Variants in DNAH14 observed in about 807,000 individuals in gnomAD.
DNAH14 encodes axonemal beta dynein heavy chain 14.
In DNAH14, 478 loss-of-function variants were observed where a neutral mutation model predicts 520.9. The observed-to-expected ratio is 0.92, with a 90% confidence interval of 0.85 to 0.99. The LOEUF (loss-of-function observed/expected upper bound fraction) is 0.99. DNAH14 is among the 50% of genes least tolerant of loss of function. The pLI, the probability that DNAH14 is intolerant of heterozygous loss-of-function variation, is 0.00. For synonymous variants in DNAH14, 1,581 were observed against 1,757.2 expected (o/e 0.90, Z 2.51); for missense variants, 4,831 against 5,234.5 (o/e 0.92, Z 2.38).
chr1:225,009,148 A>T (rs2064467514), intron 10 of DNAH14, among the ~76,000 whole-genome samples: 2 of 152,032 alleles, frequency 1.3e-5, no homozygotes, highest in South Asian at 4.1e-4. Flanking sequence ...TTTTGTTGCC[A>T]TTGCTTTTGG....
intron 38 of DNAH14, among the ~76,000 whole-genome samples, chr1:225,201,579 C>G (rs921600634): frequency 5.3e-5 from 8 of 152,122 alleles, no homozygotes; most frequent in African/African-American, 1.9e-4. Flanking sequence ...GTACTCTCCC[C>G]CTTTTCCTAG....
chr1:225,377,144 C>G, intron 78 of DNAH14, 93 bp from the exon 79 acceptor site: 2 of 1,020,938 alleles, frequency 2.0e-6, no homozygotes, highest in Non-Finnish European at 2.7e-6. Flanking sequence ...TCAAGCATTA[C>G]TGAAAGTAGG....
chr1:225,228,576 G>A (rs2090780147), intron 41 of DNAH14, among the ~76,000 whole-genome samples: 1 of 151,604 alleles, frequency 6.6e-6, no homozygotes, highest in African/African-American at 2.4e-5. Context: ...TGATGTGCAA[G>A]GACATCTCTC....
At chr1:225,210,249 A>T (rs1165716801) in intron 41 of DNAH14, among the ~76,000 whole-genome samples, 1 of 152,140 alleles carries the variant, frequency 6.6e-6, no homozygotes, top group East Asian at 1.9e-4. Flanking sequence ...CCAGCAAGCT[A>T]AGATCCAATG....
At chr1:225,398,976 C>A in intron 85 of DNAH14, 78 bp from the exon 86 acceptor site, 1 of 1,089,698 alleles carries the variant, frequency 9.2e-7, no homozygotes, top group Non-Finnish European at 1.3e-6. Context: ...ATCCCTCAAG[C>A]CTAGCATACA....
At chr1:225,197,963 A>G (rs992094898) in intron 38 of DNAH14, among the ~76,000 whole-genome samples, 10 of 152,076 alleles carry the variant, frequency 6.6e-5, no homozygotes, top group Admixed American at 6.5e-4. Context: ...TTCTAGGTAA[A>G]CAATCCTGTC....
chr1:225,142,912 C>A (rs183640348), intron 28 of DNAH14, among the ~76,000 whole-genome samples: 28 of 152,070 alleles, frequency 1.8e-4, no homozygotes, highest in African/African-American at 6.5e-4. Context: ...GGTGACAGAG[C>A]AAGACTCCAT....
chr1:225,387,777 G>A (rs1340761281), intron 81 of DNAH14, among the ~76,000 whole-genome samples: 1 of 152,098 alleles, frequency 6.6e-6, no homozygotes, highest in Non-Finnish European at 1.5e-5. Context: ...CCAGAAGAGG[G>A]GACAGTAAAC....
At chr1:224,977,588 GAT>G (rs2061954228) in intron 8 of DNAH14, among the ~76,000 whole-genome samples, 1 of 152,184 alleles carries the variant, frequency 6.6e-6, no homozygotes, top group Admixed American at 6.5e-5. Flanking sequence ...ATTGTTCACA[GAT>G]GTATACTTAT....
At chr1:225,143,817 CTG>C (rs2149041471) in intron 28 of DNAH14, among the ~76,000 whole-genome samples, 1 of 152,214 alleles carries the variant, frequency 6.6e-6, no homozygotes, top group East Asian at 1.9e-4. Context: ...TTAGCACTAA[CTG>C]GGATATAAAA....
At chr1:225,315,556 T>C (rs78497469) in intron 60 of DNAH14, among the ~76,000 whole-genome samples, 8,526 of 152,170 alleles carry the variant, frequency 0.056, 275 homozygotes, top group African/African-American at 0.087. Context: ...TTTGTGCTGG[T>C]TTTTCCTTAT....
At chr1:225,182,393 CT>C (rs1156262269) in intron 36 of DNAH14, among the ~76,000 whole-genome samples, 3 of 151,972 alleles carry the variant, frequency 2.0e-5, no homozygotes, top group African/African-American at 7.3e-5. Flanking sequence ...ATATCTAAAA[CT>C]TTTAGGGAGG....
rs566593331 is a variant in DNAH14, at chr1:225,347,339, C to T, written c.11296+685C>T. On this transcript the variant is annotated intron_variant, in intron 71 of 85. Transcript: ENST00000682510. ...TACAGCATCCAGGCTATTGTAAAAC[C>T]GAGAAGAGATTCCAGTGAAAGGGGT... Among the ~76,000 whole-genome samples the T allele has an allele frequency of 4.6e-5, 7 of 152,192 alleles. No individual in the cohort carries two copies. In the East Asian group the frequency reaches 5.8e-4, roughly 13 times the overall value.
intron 52 of DNAH14, among the ~76,000 whole-genome samples, chr1:225,275,152 A>C (rs968427501): frequency 1.3e-5 from 2 of 152,200 alleles, no homozygotes; most frequent in Non-Finnish European, 2.9e-5. Flanking sequence ...TTATCATACC[A>C]TACCACCCCT....
chr1:225,078,035 C>G (rs1192713771), intron 17 of DNAH14, among the ~76,000 whole-genome samples: 1 of 152,042 alleles, frequency 6.6e-6, no homozygotes, highest in Admixed American at 6.6e-5. Flanking sequence ...CCTTAAGAAC[C>G]CTTGAAACAT....
intron 10 of DNAH14, among the ~76,000 whole-genome samples, chr1:225,010,348 A>G (rs2147891464): frequency 6.6e-6 from 1 of 152,310 alleles, no homozygotes. Context: ...ATCTATTGAG[A>G]TAATCATGTG....
At chr1:224,942,059 C>T (rs2059456043) in intron 1 of DNAH14, among the ~76,000 whole-genome samples, 2 of 152,102 alleles carry the variant, frequency 1.3e-5, no homozygotes, top group Non-Finnish European at 2.9e-5. Flanking sequence ...TCATTGGTAG[C>T]TTGATGGGGA....
At chr1:225,365,413 A>G (rs1220484496) in intron 76 of DNAH14, among the ~76,000 whole-genome samples, 1 of 152,180 alleles carries the variant, frequency 6.6e-6, no homozygotes, top group Non-Finnish European at 1.5e-5. Flanking sequence ...GAGAAAACTG[A>G]CCGATGGCAT....
chr1:225,000,619 C>G (rs1320689540), intron 8 of DNAH14, among the ~76,000 whole-genome samples: 1 of 149,778 alleles, frequency 6.7e-6, no homozygotes, highest in Admixed American at 6.7e-5. Flanking sequence ...GTTGCCCAGG[C>G]TGGATGGAGT....
Sources: allele counts gnomAD v4.1 joint callset (sites outside exome capture counted in the v4.1 genomes callset), GRCh38; gene constraint gnomAD v4.1.1; transcripts MANE v1.5; gene names NCBI Gene and HGNC (gene_info 2026-07-23, HGNC 2026-07-21).